ZNF407: variants seen among roughly 807,000 people sequenced by gnomAD.
The protein encoded by ZNF407 is zinc finger protein 407.
ZNF407 carries 17 observed loss-of-function variants against 131.2 expected under a neutral mutation model. The ratio of observed to expected loss-of-function variants is 0.13; its 90% CI spans 0.09 to 0.19. The LOEUF (loss-of-function observed/expected upper bound fraction) is 0.19. ZNF407 is among the 10% of genes least tolerant of loss of function. The probability of loss-of-function intolerance (pLI) is 1.00; values close to 1 mark genes in which losing one functional copy is unlikely to be tolerated. For synonymous variants in ZNF407, 1,156 were observed against 1,062.0 expected (o/e 1.09, Z -1.72); for missense variants, 2,681 against 2,830.6 (o/e 0.95, Z 1.20).
chr18:75,051,766 T>C (rs1227015232), intron 8 of ZNF407, among the ~76,000 whole-genome samples: 1 of 152,228 alleles, frequency 6.6e-6, no homozygotes, highest in Non-Finnish European at 1.5e-5. Flanking sequence ...GCCATGCTGC[T>C]GCTAGTCTGG....
chr18:74,711,989 C>T (rs543729006), intron 3 of ZNF407, among the ~76,000 whole-genome samples: 1 of 152,284 alleles, frequency 6.6e-6, no homozygotes, highest in Admixed American at 6.5e-5. Flanking sequence ...GGATTACAGG[C>T]GTGAGCCACT....
At chr18:74,811,095 A>G (rs1408871257) in intron 4 of ZNF407, among the ~76,000 whole-genome samples, 1 of 152,058 alleles carries the variant, frequency 6.6e-6, no homozygotes, top group African/African-American at 2.4e-5. Flanking sequence ...GCAACCTACA[A>G]AATGGGAGAA....
intron 8 of ZNF407, among the ~76,000 whole-genome samples, chr18:74,965,314 C>G (rs1294675016): frequency 6.6e-6 from 1 of 152,146 alleles, no homozygotes; most frequent in African/African-American, 2.4e-5. Context: ...CATTACCCTT[C>G]TCAGCCCCAG....
chr18:74,634,654 C>G lies in ZNF407; in HGVS notation c.3635C>G (p.Thr1212Arg), dbSNP rs976294382. 1.9e-6 allele frequency: 3 copies of G among 1,613,976 alleles called. No individual in the cohort carries two copies. The highest frequency in any genetic ancestry group is 3.3e-5 in the Admixed American group (2 of 60,030). ...GGAAGCTCTGCCTTAAATTGTGAGACAGCAAAGAAAAACCATGAGATATCG... is the reference window on the plus strand; with the variant it reads ...GGAAGCTCTGCCTTAAATTGTGAGAGAGCAAAGAAAAACCATGAGATATCG... ...NSGSSALNCE[T>R]AKKNHEISND... The change falls in exon 2 of 9, where the codon ACA becomes AGA. Residue 1212 changes from threonine to arginine, a missense_variant. By Grantham distance (71) the Thr-to-Arg change is moderately conservative. Coordinates refer to ENST00000299687, the MANE Select transcript of ZNF407 (RefSeq NM_017757.3).
At chr18:74,701,625 A>G (rs572122191) in intron 3 of ZNF407, among the ~76,000 whole-genome samples, 1 of 152,246 alleles carries the variant, frequency 6.6e-6, no homozygotes, top group East Asian at 1.9e-4. Flanking sequence ...ATTACAGTTA[A>G]TTTTTTATTC....
At chr18:75,037,907 T>C (rs1973328544) in intron 8 of ZNF407, among the ~76,000 whole-genome samples, 1 of 152,208 alleles carries the variant, frequency 6.6e-6, no homozygotes, top group African/African-American at 2.4e-5. Context: ...TTAGAAGTTA[T>C]ACTCATTGGG....
intron 3 of ZNF407, among the ~76,000 whole-genome samples, chr18:74,701,454 T>G (rs1033108348): frequency 6.6e-6 from 1 of 152,130 alleles, no homozygotes; most frequent in African/African-American, 2.4e-5. Flanking sequence ...AGCTCTGGAG[T>G]TGAATTCTGT....
At chr18:74,640,221 TACTGAC>T (rs961925501) in intron 2 of ZNF407, among the ~76,000 whole-genome samples, 46 of 152,272 alleles carry the variant, frequency 3.0e-4, no homozygotes, top group African/African-American at 1.1e-3. Flanking sequence ...TCTTATCTAT[TACTGAC>T]ACTAAGTGTG....
rs879797829 is a variant in ZNF407, at chr18:74,676,096, A to AT, written c.4802+34986dup. On this transcript the variant is annotated intron_variant, in intron 3 of 8. Transcript: ENST00000299687. Reference sequence around the variant, plus strand: ...TTTGATGCCTGTGCTTCCTCTTAGAATTTTTTTTTTTTGGAGATGGAATCT... The same window carrying AT: ...TTTGATGCCTGTGCTTCCTCTTAGAATTTTTTTTTTTTTGGAGATGGAATCT... 4.7e-4 allele frequency among the ~76,000 whole-genome samples: 69 copies of AT among 147,454 alleles called. 1 individual carries two copies. The highest frequency in any genetic ancestry group is 6.3e-4 in the Non-Finnish European group (42 of 66,390).
intron 8 of ZNF407, among the ~76,000 whole-genome samples, chr18:74,999,775 A>T (rs552079229): frequency 6.0e-4 from 92 of 152,326 alleles, no homozygotes; most frequent in African/African-American, 2.2e-3. Flanking sequence ...GGCCTGATCA[A>T]TGTAGCCAAG....
intron 3 of ZNF407, among the ~76,000 whole-genome samples, chr18:74,710,007 A>C (rs1483951034): frequency 3.3e-5 from 5 of 152,204 alleles, no homozygotes; most frequent in African/African-American, 1.2e-4. Context: ...TTTGACCTGA[A>C]AAAAATGTCT....
intron 8 of ZNF407, among the ~76,000 whole-genome samples, chr18:74,975,973 A>T (rs189112479): frequency 2.6e-4 from 39 of 152,314 alleles, no homozygotes; most frequent in Non-Finnish European, 4.9e-4. Flanking sequence ...CAGCTAACTT[A>T]GGAGTTTTCT....
chr18:74,979,224 T>C (rs1010547784), intron 8 of ZNF407, among the ~76,000 whole-genome samples: 1 of 152,126 alleles, frequency 6.6e-6, no homozygotes, highest in African/African-American at 2.4e-5. Context: ...CCTTATACAT[T>C]GTGAGCTTGG....
intron 4 of ZNF407, among the ~76,000 whole-genome samples, chr18:74,829,995 C>A (rs1970460844): frequency 6.6e-6 from 1 of 151,936 alleles, no homozygotes; most frequent in African/African-American, 2.4e-5. Context: ...AAGGGAGGGA[C>A]CCTATTTTGA....
intron 3 of ZNF407, among the ~76,000 whole-genome samples, chr18:74,668,178 C>T (rs1986003748): frequency 6.6e-6 from 1 of 152,160 alleles, no homozygotes; most frequent in Admixed American, 6.5e-5. Context: ...GGACTGGTTG[C>T]AGTCCAGACA....
intron 3 of ZNF407, among the ~76,000 whole-genome samples, chr18:74,772,090 T>G (rs1195729879): frequency 6.6e-6 from 1 of 152,166 alleles, no homozygotes; most frequent in African/African-American, 2.4e-5. Context: ...AATTCTACTT[T>G]TGCATTTTCA....
At chr18:74,711,791 A>G (rs1387875860) in intron 3 of ZNF407, among the ~76,000 whole-genome samples, 1 of 151,924 alleles carries the variant, frequency 6.6e-6, no homozygotes, top group African/African-American at 2.4e-5. Flanking sequence ...GCTCACTGCA[A>G]CCTCCGCCTC....
At chr18:75,024,085 A>G (rs1186873812) in intron 8 of ZNF407, among the ~76,000 whole-genome samples, 1 of 152,220 alleles carries the variant, frequency 6.6e-6, no homozygotes, top group African/African-American at 2.4e-5. Context: ...GTTCATGATT[A>G]AGTTTGAAAC....
In ZNF407 at chr18:74,811,292, C is replaced by T. The variant is rs1970191222; in HGVS notation, c.4877+29790C>T. ...TGAAAAAATGCTCACCATCACTGGC[C>T]ATCAGAGAAATGCAAATCAAAACCA... On this transcript the variant is annotated intron_variant, in intron 4 of 8. Coordinates refer to ENST00000299687, the MANE Select transcript of ZNF407 (RefSeq NM_017757.3). Among the ~76,000 whole-genome samples, 2 of 152,136 alleles carry T rather than the reference C, an allele frequency of 1.3e-5. 1 individual carries two copies. Among genetic ancestry groups the T allele is most frequent in the South Asian group, 4.1e-4 (2 of 4,826 alleles).
Sources: allele counts gnomAD v4.1 joint callset (sites outside exome capture counted in the v4.1 genomes callset), GRCh38; gene constraint gnomAD v4.1.1; transcripts MANE v1.5; gene names NCBI Gene and HGNC (gene_info 2026-07-23, HGNC 2026-07-21).